The following ROBO2 variants were observed in gnomAD, a reference collection of about 807,000 sequenced individuals.
ROBO2 encodes the protein roundabout guidance receptor 2, also known as roundabout homolog 2.
A neutral mutation model predicts 160.8 loss-of-function variants in ROBO2; 53 were observed. The ratio of observed to expected loss-of-function variants is 0.33; its 90% confidence interval spans 0.26 to 0.41. The LOEUF is 0.41. ROBO2 is among the 10% of genes least tolerant of loss of function. The pLI is 1.00. For missense variants in ROBO2, 1,577 were observed against 1,722.4 expected (o/e 0.92, Z 1.49); for synonymous variants, 664 against 611.7 (o/e 1.09, Z -1.26).
At chr3:76,158,198 A>C (rs934301414) in intron 2 of ROBO2, among the ~76,000 whole-genome samples, 1 of 152,110 alleles carries the variant, frequency 6.6e-6, no homozygotes, top group African/African-American at 2.4e-5. Flanking sequence ...CACCTAATCT[A>C]CATCTCTGCT....
intron 2 of ROBO2, among the ~76,000 whole-genome samples, chr3:76,961,247 G>GGAAAAAAAAAA (rs761616869): frequency 3.7e-5 from 2 of 54,448 alleles, no homozygotes; most frequent in African/African-American, 1.1e-4. Context: ...GTGCCACAGA[G>GGAAAAAAAAAA]AAAAAAAAAA....
chr3:75,927,762 C>T (rs1947345057), intron 1 of ROBO2, among the ~76,000 whole-genome samples: 1 of 152,204 alleles, frequency 6.6e-6, no homozygotes, highest in East Asian at 1.9e-4. Flanking sequence ...ATGAGAAACA[C>T]TTAGAATTAT....
chr3:76,899,897 G>A (rs1331988639), intron 2 of ROBO2, among the ~76,000 whole-genome samples: 2 of 151,998 alleles, frequency 1.3e-5, no homozygotes, highest in African/African-American at 4.8e-5. Context: ...GAATTCCTTG[G>A]GAGCAATATT....
intron 2 of ROBO2, among the ~76,000 whole-genome samples, chr3:77,099,232 T>C (rs577666533): frequency 6.6e-6 from 1 of 151,906 alleles, no homozygotes; most frequent in East Asian, 1.9e-4. Flanking sequence ...GCCCAGCTAA[T>C]TTTTGTATTT....
chr3:77,214,952 G>C (rs1315695530), intron 2 of ROBO2, among the ~76,000 whole-genome samples: 1 of 151,102 alleles, frequency 6.6e-6, no homozygotes. Context: ...GAGATCAGCT[G>C]TTAGTCTGAT....
At chr3:77,494,930 T>C (rs994091534) in intron 5 of ROBO2, among the ~76,000 whole-genome samples, 4 of 152,184 alleles carry the variant, frequency 2.6e-5, no homozygotes, top group East Asian at 1.9e-4. Context: ...AAAGTCATCA[T>C]TGTGTTTGTT....
intron 2 of ROBO2, among the ~76,000 whole-genome samples, chr3:76,578,703 G>A (rs1383028111): frequency 1.3e-5 from 2 of 152,004 alleles, no homozygotes. Flanking sequence ...GCAATCTCAT[G>A]AGTCCCATCA....
intron 2 of ROBO2, among the ~76,000 whole-genome samples, chr3:76,803,427 AAAG>A (rs1417849851): frequency 6.2e-5 from 4 of 64,782 alleles, no homozygotes; most frequent in African/African-American, 9.2e-5. Flanking sequence ...GGAGGATACA[AAAG>A]AGGAGGAAGG....
At chr3:77,270,893 A>G (rs904789013) in intron 2 of ROBO2, among the ~76,000 whole-genome samples, 4 of 152,144 alleles carry the variant, frequency 2.6e-5, no homozygotes, top group Non-Finnish European at 5.9e-5. Flanking sequence ...CAGTGAGCCA[A>G]GTCTGTGCCA....
chr3:76,238,543 C>G (rs971608066), intron 2 of ROBO2, among the ~76,000 whole-genome samples: 3 of 151,652 alleles, frequency 2.0e-5, no homozygotes, highest in Admixed American at 1.3e-4. Flanking sequence ...ATCACCTCCC[C>G]CCAGGTCTCC....
intron 9 of ROBO2, 80 bp downstream of exon 10, chr3:77,558,229 A>T: frequency 9.0e-7 from 1 of 1,107,420 alleles, no homozygotes; most frequent in Non-Finnish European, 1.4e-6. Context: ...AGTGAACTTA[A>T]AATCTTACAT....
At chr3:77,408,746 G>A (rs1299141722) in intron 2 of ROBO2, among the ~76,000 whole-genome samples, 2 of 151,816 alleles carry the variant, frequency 1.3e-5, no homozygotes, top group Non-Finnish European at 2.9e-5. Context: ...TTAGAGACAG[G>A]GTTTCACTCT....
At chr3:77,567,263 G>A (rs974540068) in intron 12 of ROBO2, among the ~76,000 whole-genome samples, 7 of 151,952 alleles carry the variant, frequency 4.6e-5, no homozygotes, top group Non-Finnish European at 1.0e-4. Context: ...ACAGGATTAC[G>A]AAAATAAATA....
intron 2 of ROBO2, among the ~76,000 whole-genome samples, chr3:76,126,251 A>C (rs2070984096): frequency 6.6e-6 from 1 of 152,196 alleles, no homozygotes; most frequent in Non-Finnish European, 1.5e-5. Context: ...ATTTGAGAGG[A>C]GTGTCAATAG....
intron 2 of ROBO2, among the ~76,000 whole-genome samples, chr3:76,956,474 G>A (rs867981551): frequency 4.6e-5 from 7 of 151,098 alleles, no homozygotes; most frequent in South Asian, 2.1e-4. Flanking sequence ...GGAGAATGGC[G>A]TGAATCCAGG....
At chr3:76,687,922 A>T (rs1342551322) in intron 2 of ROBO2, among the ~76,000 whole-genome samples, 1 of 152,102 alleles carries the variant, frequency 6.6e-6, no homozygotes, top group African/African-American at 2.4e-5. Flanking sequence ...TGAAAAGGGC[A>T]TATTTAACTA....
At chr3:76,738,953 G>A (rs1432109382) in intron 2 of ROBO2, among the ~76,000 whole-genome samples, 1 of 152,062 alleles carries the variant, frequency 6.6e-6, no homozygotes, top group African/African-American at 2.4e-5. Flanking sequence ...AACTCAGCAA[G>A]CAAAAAGGTA....
At chr3:76,612,743 A>G (rs7627505) in intron 2 of ROBO2, among the ~76,000 whole-genome samples, 6,902 of 152,232 alleles carry the variant, frequency 0.045, 422 homozygotes, top group African/African-American at 0.14. Flanking sequence ...TTGGCTTTAC[A>G]TATCTACATG....
chr3:76,827,008 A>C (rs1003479143), intron 2 of ROBO2, among the ~76,000 whole-genome samples: 1 of 152,174 alleles, frequency 6.6e-6, no homozygotes, highest in East Asian at 1.9e-4. Flanking sequence ...ACCTTTGGAG[A>C]GGGTAGCACT....
Sources: gnomAD v4.1 joint callset for allele counts (sites outside exome capture counted in the v4.1 genomes callset) on GRCh38, gnomAD v4.1.1 for gene constraint, MANE v1.5 for transcripts, NCBI Gene and HGNC (gene_info 2026-07-23, HGNC 2026-07-21) for gene names.